Variants in CCDC158 observed in about 807,000 individuals in gnomAD.
The protein encoded by CCDC158 is coiled-coil domain-containing protein 158.
In CCDC158, 116 loss-of-function variants were observed where a neutral mutation model predicts 138.6. The observed-to-expected ratio is 0.84, with a 90% CI of 0.72 to 0.98. The LOEUF (loss-of-function observed/expected upper bound fraction) is 0.98. Ranked by LOEUF, CCDC158 falls within the 50% of genes least tolerant of loss-of-function variation. The pLI, the probability that CCDC158 is intolerant of heterozygous loss-of-function variation, is 0.00. For missense variants in CCDC158, 1,265 were observed against 1,306.1 expected (o/e 0.97, Z 0.48); for synonymous variants, 436 against 442.4 (o/e 0.99, Z 0.18).
chr4:76,341,046 G>A (rs1721999966), intron 18 of CCDC158, among the ~76,000 whole-genome samples: 1 of 152,086 alleles, frequency 6.6e-6, no homozygotes, highest in South Asian at 2.1e-4. Context: ...TTGTGGTTTG[G>A]TTAGTTTCCT....
intron 13 of CCDC158, 22 bp downstream of exon 13, chr4:76,362,104 G>T (rs762681007): frequency 6.2e-7 from 1 of 1,604,518 alleles, no homozygotes; most frequent in South Asian, 1.1e-5. Flanking sequence ...TTTTTAGTAG[G>T]ATTTGTGCTG....
At position 76,332,433 on chromosome 4, in the gene CCDC158, TA is replaced by T. The variant is rs1372440881; in HGVS notation, c.2880del (p.His960GlnfsTer7). Reference sequence around the variant, plus strand: ...TTCAGAATCTCAGATTCTTCTTACCTATGGCACATGTCTGATCTCAGGCTGG... The same window carrying T: ...TTCAGAATCTCAGATTCTTCTTACCTTGGCACATGTCTGATCTCAGGCTGG... ...TESSLRSDMC[H>X]RSNNSLRDST... is the part of the protein sequence containing the mutation. On this transcript the variant is annotated frameshift_variant and splice_region_variant, in exon 20 of 25. Transcript: ENST00000682701. LOFTEE classifies it high-confidence loss of function. 6 of 1,607,702 alleles carry T rather than the reference TA, an allele frequency of 3.7e-6. No individual in the cohort carries two copies. Among genetic ancestry groups the T allele is most frequent in the Non-Finnish European group, 5.1e-6 (6 of 1,175,504 alleles).
Position 76,367,786 on chromosome 4 carries a change from A to T in CCDC158, c.1348-10T>A, listed in dbSNP as rs1400553361. The T allele has an allele frequency of 6.3e-7, 1 of 1,588,150 alleles. No homozygotes were observed. The highest frequency in any genetic ancestry group is 1.1e-5 in the South Asian group (1 of 88,314). ...CTTGAATTGCTGCCATCTGATTGTT[A>T]AAGAAAAGAGAATTTCATAGATTTG... On this transcript the variant is annotated splice_polypyrimidine_tract_variant and intron_variant, in intron 11 of 24. Coordinates refer to ENST00000682701, the MANE Select transcript of CCDC158 (RefSeq NM_001394954.1).
At chr4:76,385,594 A>G (rs1176331691) in intron 4 of CCDC158, among the ~76,000 whole-genome samples, 1 of 152,170 alleles carries the variant, frequency 6.6e-6, no homozygotes, top group Non-Finnish European at 1.5e-5. Context: ...AAGTAGACAA[A>G]TTTTTGAAAC....
intron 18 of CCDC158, chr4:76,345,219 C>G (rs1722427904): frequency 1.1e-6 from 1 of 933,306 alleles, no homozygotes; most frequent in Admixed American, 1.7e-5. Context: ...AGTAGAGGGT[C>G]AAGTTTCATC....
chr4:76,345,941 T>G (rs1311863185), intron 18 of CCDC158, among the ~76,000 whole-genome samples: 1 of 151,162 alleles, frequency 6.6e-6, no homozygotes, highest in African/African-American at 2.5e-5. Context: ...AAAACAATCC[T>G]AAACAAAAAA....
rs760437570 is a variant in CCDC158, at chr4:76,331,417, G to A, written c.2883-14C>T. The A allele has an allele frequency of 4.3e-6, 7 of 1,610,718 alleles. No homozygotes were observed. The highest frequency in any genetic ancestry group is 3.3e-5 in the South Asian group (3 of 90,896). ...GAGTTGTTGCTTCTGTTGGTAGAGG[G>A]ATGGGAGAAATCACAGTTTAAATAA... On this transcript the variant is annotated splice_polypyrimidine_tract_variant and intron_variant, in intron 20 of 24. Transcript: ENST00000682701.
chr4:76,418,319 G>A (rs1434586322), intron 1 of CCDC158, among the ~76,000 whole-genome samples: 2 of 152,166 alleles, frequency 1.3e-5, no homozygotes, highest in African/African-American at 4.8e-5. Flanking sequence ...TTTGGATGAT[G>A]AAAATGTTCT....
intron 4 of CCDC158, among the ~76,000 whole-genome samples, chr4:76,385,115 A>G (rs1338410715): frequency 6.6e-6 from 1 of 152,210 alleles, no homozygotes; most frequent in Non-Finnish European, 1.5e-5. Flanking sequence ...GCACTGAGGG[A>G]TCTCCCAGAA....
intron 8 of CCDC158, among the ~76,000 whole-genome samples, chr4:76,380,947 G>A (rs1726181677): frequency 6.6e-6 from 1 of 152,264 alleles, no homozygotes; most frequent in African/African-American, 2.4e-5. Flanking sequence ...AAGGGTGCAA[G>A]CCCCAAGACT....
At chr4:76,419,648 C>T (rs1729958626) in intron 1 of CCDC158, among the ~76,000 whole-genome samples, 1 of 152,060 alleles carries the variant, frequency 6.6e-6, no homozygotes, top group Admixed American at 6.6e-5. Context: ...ATTGCCTTCT[C>T]TTCGGCCTAT....
chr4:76,400,321 G>A (rs10025378), intron 3 of CCDC158, among the ~76,000 whole-genome samples: 4,373 of 148,498 alleles, frequency 0.029, 209 homozygotes, highest in African/African-American at 0.1. Flanking sequence ...ACCAAACACC[G>A]CATGTTCTTA....
chr4:76,333,522 C>A (rs1485987024), intron 19 of CCDC158, among the ~76,000 whole-genome samples: 1 of 152,126 alleles, frequency 6.6e-6, no homozygotes, highest in African/African-American at 2.4e-5. Context: ...ATGATATAAT[C>A]AAATCAAGTC....
rs1409434837 is a variant in CCDC158, at chr4:76,384,169, G to T, written c.645C>A (p.Phe215Leu). 6.2e-7 allele frequency: 1 copy of T among 1,614,112 alleles called. No homozygotes were observed. Among genetic ancestry groups the T allele is most frequent in the South Asian group, 1.1e-5 (1 of 91,072 alleles). The change falls in exon 6 of 25, where the codon TTC (phenylalanine) becomes TTA (leucine). Residue 215 changes from phenylalanine to leucine, a missense_variant. Phe to Leu is a conservative substitution (Grantham distance 22, BLOSUM62 0). Transcript: ENST00000682701. ...TACTAATAGCTGAGCCCAAGCTGCG[G>T]AAGTGCAGAGTAGACATGCTGTCAT... ...CEHDSMSTLH[F>L]RSLGSAISKI... is the part of the protein sequence containing the mutation.
At chr4:76,392,886 C>T (rs577762115) in intron 4 of CCDC158, among the ~76,000 whole-genome samples, 12 of 151,662 alleles carry the variant, frequency 7.9e-5, no homozygotes, top group Admixed American at 3.9e-4. Flanking sequence ...AATCCCATTA[C>T]AAGTTCCACA....
chr4:76,406,635 C>T (rs2109883411), intron 2 of CCDC158, among the ~76,000 whole-genome samples: 1 of 152,232 alleles, frequency 6.6e-6, no homozygotes, highest in East Asian at 1.9e-4. Context: ...ACAACACCTT[C>T]TGGTCACAGT....
chr4:76,357,514 A>T lies in CCDC158; in HGVS notation c.2033T>A (p.Val678Asp). Reference protein sequence around the residue: ...ELNNLSEEYEVLKRNFRNKSE... With the variant: ...ELNNLSEEYEDLKRNFRNKSE... The stretch of plus-strand genomic sequence containing the variant: ...TTTGTTTCGGAAATTCCTTTTTAAG[A>T]CTTCATACTCCTCTATACAATGTGA... Residue 678 changes from valine to aspartate, a missense_variant, in exon 14 of 25, where the codon GTC (valine) becomes GAC (aspartate). Coordinates refer to ENST00000682701, the MANE Select transcript of CCDC158 (RefSeq NM_001394954.1). 1 of 1,586,912 alleles carries T rather than the reference A, an allele frequency of 6.3e-7. No individual in the cohort carries two copies. Among genetic ancestry groups the T allele is most frequent in the Non-Finnish European group, 8.6e-7 (1 of 1,163,050 alleles).
At chr4:76,323,059 G>C (rs999712260) in intron 24 of CCDC158, among the ~76,000 whole-genome samples, 2 of 152,178 alleles carry the variant, frequency 1.3e-5, no homozygotes, top group Non-Finnish European at 2.9e-5. Context: ...CTCCTCCTGA[G>C]GGATGGCCGG....
intron 12 of CCDC158, 130 bp downstream of exon 12, chr4:76,367,164 T>C (rs1724754800): frequency 1.0e-6 from 1 of 986,644 alleles, no homozygotes; most frequent in Admixed American, 2.4e-5. Context: ...AACACACATA[T>C]ACACATAGAA....
Sources: gnomAD v4.1 joint callset for allele counts (sites outside exome capture counted in the v4.1 genomes callset) on GRCh38, gnomAD v4.1.1 for gene constraint, MANE v1.5 for transcripts, NCBI Gene and HGNC (gene_info 2026-07-23, HGNC 2026-07-21) for gene names.